Variants in PRKD2 observed in about 807,000 individuals in gnomAD.
PRKD2 encodes protein kinase D2.
In PRKD2, 22 loss-of-function variants were observed where a neutral mutation model predicts 86.0. The observed-to-expected ratio is 0.26, with a 90% confidence interval of 0.18 to 0.37. The LOEUF (loss-of-function observed/expected upper bound fraction) is 0.37. Among genes scored for constraint, PRKD2 ranks in the 10% least tolerant of loss-of-function variants. PRKD2 has a pLI of 1.00. For synonymous variants in PRKD2, 509 were observed against 510.9 expected (o/e 1.00, Z 0.05); for missense variants, 818 against 1,199.2 (o/e 0.68, Z 4.70).
chr19:46,687,080 CA>C (rs373785183), intron 14 of PRKD2, among the ~76,000 whole-genome samples: 1 of 150,334 alleles, frequency 6.7e-6, no homozygotes, highest in Non-Finnish European at 1.5e-5. Flanking sequence ...GCACCTCCAC[CA>C]AAAAAAAAGA....
chr19:46,713,991 C>T lies in PRKD2; in HGVS notation c.251G>A (p.Cys84Tyr). Residue 84 changes from cysteine to tyrosine, a missense_variant, in exon 2 of 18, where the codon TGT (cysteine) becomes TAT (tyrosine). Coordinates refer to ENST00000291281, the MANE Select transcript of PRKD2 (RefSeq NM_016457.5). ...CSIVDQKFPE[C>Y]GFYGLYDKIL... The stretch of plus-strand genomic sequence containing the variant: ...CTTGTCGTAAAGGCCGTAGAAGCCA[C>T]ACTCAGGGAACTGAGGGGCGGGAGA... 1 of 1,613,564 alleles carries T rather than the reference C, an allele frequency of 6.2e-7. No individual in the cohort carries two copies. The highest frequency in any genetic ancestry group is 8.5e-7 in the Non-Finnish European group (1 of 1,179,792).
At position 46,674,453 on chromosome 19, in the gene PRKD2, G is replaced by C; in HGVS notation, c.*70C>G. 2.0e-6 allele frequency: 3 copies of C among 1,511,924 alleles called. No homozygotes were observed. The highest frequency in any genetic ancestry group is 2.7e-6 in the Non-Finnish European group (3 of 1,120,934). 93.7% of individuals were successfully genotyped at this position (1,511,924 alleles called of 1,614,324 possible). A position where few individuals can be genotyped will look rare whatever the true frequency, so the allele number is the denominator to read the frequency against. On this transcript the variant is annotated 3_prime_UTR_variant, in exon 18 of 18. Coordinates refer to ENST00000291281, the MANE Select transcript of PRKD2 (RefSeq NM_016457.5). ...TTTGGGCAGGAAGCCACTTTCCCTAGAACAGTTCATTGCTGGGATCCTGTG... is the reference window on the plus strand; with the variant it reads ...TTTGGGCAGGAAGCCACTTTCCCTACAACAGTTCATTGCTGGGATCCTGTG...
intron 7 of PRKD2, among the ~76,000 whole-genome samples, chr19:46,699,951 A>G (rs1242559388): frequency 6.7e-6 from 1 of 149,988 alleles, no homozygotes; most frequent in East Asian, 2.0e-4. Context: ...GAAGAGGAAT[A>G]TAGGTCAGGC....
In PRKD2 at chr19:46,682,824, C is replaced by T. The variant is rs1018671475; in HGVS notation, c.1972-1076G>A. On this transcript the variant is annotated intron_variant, in intron 14 of 17. Transcript: ENST00000291281. ...GGCTAAATCCATCCTCCCACCTCAA[C>T]CTCCCTAGTAACTGGGATTATAGGC... Among the ~76,000 whole-genome samples, 18 of 151,052 alleles carry T rather than the reference C, an allele frequency of 1.2e-4. 1 individual carries two copies. Among genetic ancestry groups the T allele is most frequent in the Admixed American group, 1.1e-3 (17 of 15,072 alleles).
At chr19:46,708,756 C>T (rs1007515095) in intron 3 of PRKD2, among the ~76,000 whole-genome samples, 2 of 152,160 alleles carry the variant, frequency 1.3e-5, no homozygotes, top group Non-Finnish European at 2.9e-5. Context: ...GTCTTTCCAG[C>T]CTCTCACAAT....
At chr19:46,707,815 G>A (rs1419852893) in intron 3 of PRKD2, among the ~76,000 whole-genome samples, 2 of 152,210 alleles carry the variant, frequency 1.3e-5, no homozygotes, top group East Asian at 3.9e-4. Context: ...TGTATGTTTT[G>A]GACAGGCGCG....
intron 16 of PRKD2, among the ~76,000 whole-genome samples, chr19:46,676,421 G>C (rs541368642): frequency 1.3e-5 from 2 of 151,774 alleles, no homozygotes; most frequent in Admixed American, 6.6e-5. Flanking sequence ...GCGAAACTCC[G>C]TCTCAAAACA....
chr19:46,694,210 C>G lies in PRKD2; in HGVS notation c.1318-77G>C, dbSNP rs985703291. 3.2e-6 allele frequency: 5 copies of G among 1,553,912 alleles called. No homozygotes were observed. The African/African-American group carries it at 4.1e-5, about 13-fold the overall frequency. On this transcript the variant is annotated intron_variant, in intron 9 of 17. Coordinates refer to ENST00000291281, the MANE Select transcript of PRKD2 (RefSeq NM_016457.5). ...TCTAGTGCTTACCCAGAAGGATACA[C>G]GGGATCCATGTTGATAGGGATGGGC... is the stretch of plus-strand genomic sequence containing the variant.
chr19:46,716,390 G>C lies in PRKD2; in HGVS notation c.-20C>G, dbSNP rs2122193295. 1 of 1,369,954 alleles carries C rather than the reference G, an allele frequency of 7.3e-7. No individual in the cohort carries two copies. Among genetic ancestry groups the C allele is most frequent in the Non-Finnish European group, 9.4e-7 (1 of 1,059,426 alleles). 84.9% of individuals were successfully genotyped at this position (1,369,954 alleles called of 1,614,324 possible). On this transcript the variant is annotated 5_prime_UTR_variant, in exon 1 of 18. Coordinates refer to ENST00000291281, the MANE Select transcript of PRKD2 (RefSeq NM_016457.5). This position sits in a 1 kb window ranked among gnomAD's most constrained non-coding sequence, Gnocchi z 7.9. ...GGCCATGGGGGGAGGCCGGGGACCGGCCGCCTGGAGCCCACCCGGGACCCG... is the reference window on the plus strand; with the variant it reads ...GGCCATGGGGGGAGGCCGGGGACCGCCCGCCTGGAGCCCACCCGGGACCCG...
chr19:46,701,229 G>T, intron 5 of PRKD2, 117 bp from the exon 6 acceptor site: 1 of 1,083,198 alleles, frequency 9.2e-7, no homozygotes, highest in Non-Finnish European at 1.4e-6. Context: ...GTCTGGGTAA[G>T]AACACTGGCT....
rs199910823 is a variant in PRKD2, at chr19:46,683,719, G to GA, written c.1972-1972dup. On this transcript the variant is annotated intron_variant, in intron 14 of 17. Transcript: ENST00000291281. ...GGCGACAGAGTGAGATGCCATCTCA[G>GA]AAAAAAAAAGAGTACCAACCTTACA... Among the ~76,000 whole-genome samples the GA allele has an allele frequency of 2.1e-3, 314 of 150,514 alleles. 1 individual carries two copies. Among genetic ancestry groups the GA allele is most frequent in the African/African-American group, 7.0e-3 (286 of 41,114 alleles).
chr19:46,701,243 G>T lies in PRKD2; in HGVS notation c.890-131C>A, dbSNP rs2053630344. On this transcript the variant is annotated intron_variant, in intron 5 of 17. Coordinates refer to ENST00000291281, the MANE Select transcript of PRKD2 (RefSeq NM_016457.5). ...TGTCTGGGTAAGAACACTGGCTGCT[G>T]CTGCCCTGGTCATTTTCCCACTTTC... 9 of 956,060 alleles carry T rather than the reference G, an allele frequency of 9.4e-6. No homozygotes were observed. The South Asian group carries it at 1.3e-4, about 14-fold the overall frequency. 59.2% of individuals were successfully genotyped at this position (956,060 alleles called of 1,614,324 possible).
rs758533719 is a variant in PRKD2 at position 46,689,715 on chromosome 19, G to A, written c.1810-17C>T. On this transcript the variant is annotated splice_polypyrimidine_tract_variant and intron_variant, in intron 13 of 17. Coordinates refer to ENST00000291281, the MANE Select transcript of PRKD2 (RefSeq NM_016457.5). ...CCGCAGGCTCTGCAGGGTGGGGAGC[G>A]GGGTCAGGGCCCAGGTAACCCACAA... 28 of 1,613,480 alleles carry A rather than the reference G, an allele frequency of 1.7e-5. No homozygotes were observed. The highest frequency in any genetic ancestry group is 1.5e-4 in the African/African-American group (11 of 74,902).
intron 16 of PRKD2, among the ~76,000 whole-genome samples, chr19:46,676,619 C>T (rs1263986337): frequency 1.3e-5 from 2 of 152,224 alleles, no homozygotes. Context: ...TGTATGAACC[C>T]ATCCGAGGAG....
At chr19:46,697,657 G>A (rs2053580168) in intron 8 of PRKD2, 76 bp downstream of exon 8, 2 of 1,376,766 alleles carry the variant, frequency 1.5e-6, no homozygotes, top group Non-Finnish European at 2.0e-6. Context: ...CACCCACCTA[G>A]CCCCGCCTAC....
chr19:46,677,825 C>G (rs145300869), intron 16 of PRKD2, among the ~76,000 whole-genome samples: 142 of 152,286 alleles, frequency 9.3e-4, no homozygotes, highest in African/African-American at 3.0e-3. Flanking sequence ...TTCGGAAACC[C>G]TCCACGGCCA....
At chr19:46,715,589 G>A (rs1392331317) in intron 1 of PRKD2, among the ~76,000 whole-genome samples, 2 of 152,188 alleles carry the variant, frequency 1.3e-5, no homozygotes, top group Non-Finnish European at 2.9e-5. Context: ...CTGTGACTAG[G>A]AAAGGGAATA....
In PRKD2 at chr19:46,716,483, G is replaced by A. The variant is rs2053882987; in HGVS notation, c.-113C>T. On this transcript the variant is annotated 5_prime_UTR_variant, in exon 1 of 18. Transcript: ENST00000291281. This position sits in a 1 kb window ranked among gnomAD's most constrained non-coding sequence, Gnocchi z 7.9. ...TCTCGTGAGCAGGTGGTGGGAGAGC[G>A]GGGATCCGAGAAAAGATCTGGCAGG... 3.6e-6 allele frequency: 2 copies of A among 559,966 alleles called. No homozygotes were observed. Among genetic ancestry groups the A allele is most frequent in the Non-Finnish European group, 6.0e-6 (2 of 334,746 alleles). The allele number at this position is 559,966 out of a possible 1,614,324, so 34.7% of individuals were successfully genotyped here.
At chr19:46,696,674 G>A (rs2053562911) in intron 9 of PRKD2, among the ~76,000 whole-genome samples, 1 of 152,070 alleles carries the variant, frequency 6.6e-6, no homozygotes, top group Non-Finnish European at 1.5e-5. Flanking sequence ...AGAATCGCTT[G>A]AACCCGGGAA....
Sources: gnomAD v4.1 joint callset for allele counts (sites outside exome capture counted in the v4.1 genomes callset) on GRCh38, gnomAD v4.1.1 for gene constraint, Gnocchi (gnomAD v3.1) non-coding constraint, MANE v1.5 for transcripts, NCBI Gene and HGNC (gene_info 2026-07-23, HGNC 2026-07-21) for gene names.